The following CEP112 variants were observed in gnomAD, a reference collection of about 807,000 sequenced individuals.
The protein encoded by CEP112 is centrosomal protein 112.
CEP112 carries 127 observed loss-of-function variants against 153.0 expected under a neutral mutation model. The ratio of observed to expected loss-of-function variants is 0.83; its 90% confidence interval spans 0.72 to 0.96. CEP112 has a LOEUF of 0.96. CEP112 is among the 40% of genes least tolerant of loss of function. The pLI, the probability that CEP112 is intolerant of heterozygous loss-of-function variation, is 0.00. For missense variants in CEP112, 1,089 were observed against 1,101.2 expected (o/e 0.99, Z 0.16); for synonymous variants, 358 against 374.4 (o/e 0.96, Z 0.51).
intron 4 of CEP112, among the ~76,000 whole-genome samples, chr17:66,156,143 G>C (rs2071429929): frequency 6.6e-6 from 1 of 152,140 alleles, no homozygotes; most frequent in Non-Finnish European, 1.5e-5. Context: ...GCTCCGGCTG[G>C]CATCTGGCGG....
intron 23 of CEP112, among the ~76,000 whole-genome samples, chr17:65,695,207 CT>C (rs1361404134): frequency 2.7e-4 from 41 of 152,204 alleles, no homozygotes; most frequent in African/African-American, 9.9e-4. Flanking sequence ...GCACACCGCA[CT>C]CTTTAAAAGG....
At chr17:66,109,766 T>A (rs547747479) in intron 6 of CEP112, among the ~76,000 whole-genome samples, 1 of 152,182 alleles carries the variant, frequency 6.6e-6, no homozygotes, top group African/African-American at 2.4e-5. Flanking sequence ...GTAAAACTTA[T>A]AATGACCTTA....
At chr17:66,117,500 A>T (rs1435185900) in intron 6 of CEP112, among the ~76,000 whole-genome samples, 1 of 152,248 alleles carries the variant, frequency 6.6e-6, no homozygotes, top group Non-Finnish European at 1.5e-5. Context: ...TTAAATTTAA[A>T]TTCCCTCTAT....
intron 21 of CEP112, among the ~76,000 whole-genome samples, chr17:65,757,132 G>A (rs138915178): frequency 6.6e-6 from 1 of 152,260 alleles, no homozygotes; most frequent in Non-Finnish European, 1.5e-5. Context: ...GAGGCCTCAG[G>A]AAAGCAATCC....
intron 6 of CEP112, among the ~76,000 whole-genome samples, chr17:66,106,988 A>G (rs1003534837): frequency 4.6e-5 from 7 of 152,200 alleles, no homozygotes; most frequent in East Asian, 3.8e-4. Flanking sequence ...GGATGGTTCA[A>G]TATAGGCAAA....
At chr17:65,990,880 T>C (rs2063570494) in intron 17 of CEP112, among the ~76,000 whole-genome samples, 1 of 152,164 alleles carries the variant, frequency 6.6e-6, no homozygotes, top group African/African-American at 2.4e-5. Context: ...TCTGTGTGCT[T>C]GGGAGAGGAG....
chr17:66,042,648 AAAC>A (rs1225054833), intron 12 of CEP112, among the ~76,000 whole-genome samples: 2 of 152,212 alleles, frequency 1.3e-5, no homozygotes, highest in East Asian at 1.9e-4. Context: ...CCTGGAAAAG[AAAC>A]AACATTAGGT....
chr17:66,098,720 C>T (rs1598347185), intron 6 of CEP112, among the ~76,000 whole-genome samples: 2 of 152,150 alleles, frequency 1.3e-5, no homozygotes, highest in South Asian at 2.1e-4. Context: ...ATTTAAATGT[C>T]TCTCCCCATC....
intron 18 of CEP112, among the ~76,000 whole-genome samples, chr17:65,950,699 C>CTATTATTATTATTAGTAGTAG (rs57598697): frequency 0.039 from 5,709 of 147,160 alleles, 142 homozygotes; most frequent in South Asian, 0.085. Context: ...GGATACATTA[C>CTATTATTATTATTAGTAGTAG]TAGTAGTAGT....
chr17:66,148,114 G>A (rs1054129538), intron 4 of CEP112, among the ~76,000 whole-genome samples: 1 of 152,162 alleles, frequency 6.6e-6, no homozygotes, highest in Non-Finnish European at 1.5e-5. Flanking sequence ...GGCTGGGGAG[G>A]CCGCACAATC....
At chr17:65,845,886 A>G (rs1258118906) in intron 21 of CEP112, among the ~76,000 whole-genome samples, 1 of 152,174 alleles carries the variant, frequency 6.6e-6, no homozygotes, top group Non-Finnish European at 1.5e-5. Context: ...TGTTTCTCTT[A>G]ACTCAAAATC....
intron 1 of CEP112, among the ~76,000 whole-genome samples, chr17:66,183,581 G>A (rs932560821): frequency 2.2e-4 from 34 of 152,086 alleles, no homozygotes; most frequent in Non-Finnish European, 3.4e-4. Context: ...ATTTTAAGAT[G>A]TACTCCAAAG....
At chr17:66,062,225 C>A (rs2146009521) in intron 11 of CEP112, among the ~76,000 whole-genome samples, 1 of 150,542 alleles carries the variant, frequency 6.6e-6, no homozygotes. Context: ...ACATAGTGGA[C>A]AATGGACACT....
chr17:65,871,504 A>G (rs1568146835), intron 20 of CEP112, among the ~76,000 whole-genome samples: 1 of 152,100 alleles, frequency 6.6e-6, no homozygotes, highest in South Asian at 2.1e-4. Context: ...GCATGGTGGC[A>G]GGCGCCTATA....
intron 21 of CEP112, among the ~76,000 whole-genome samples, chr17:65,845,876 T>G (rs1424341874): frequency 6.6e-6 from 1 of 152,254 alleles, no homozygotes; most frequent in African/African-American, 2.4e-5. Flanking sequence ...AGGTATTTCA[T>G]GTTTCTCTTA....
chr17:65,854,084 T>C (rs1444698023), intron 20 of CEP112, among the ~76,000 whole-genome samples: 2 of 152,196 alleles, frequency 1.3e-5, no homozygotes, highest in Non-Finnish European at 2.9e-5. Flanking sequence ...TAGCCAGCAA[T>C]GCAACATTTC....
At chr17:66,169,045 C>T (rs753239653) in intron 4 of CEP112, among the ~76,000 whole-genome samples, 1 of 151,878 alleles carries the variant, frequency 6.6e-6, no homozygotes, top group Non-Finnish European at 1.5e-5. Flanking sequence ...TAAAACAAAC[C>T]CTGGGTGCAT....
chr17:66,130,336 G>C (rs893015895), intron 5 of CEP112, among the ~76,000 whole-genome samples: 2 of 152,078 alleles, frequency 1.3e-5, no homozygotes, highest in Admixed American at 1.3e-4. Flanking sequence ...TCGGGGGCAG[G>C]GGCGACGTGA....
intron 19 of CEP112, among the ~76,000 whole-genome samples, chr17:65,908,946 C>T (rs1407749471): frequency 6.6e-6 from 1 of 152,164 alleles, no homozygotes; most frequent in African/African-American, 2.4e-5. Context: ...ACTGGACATA[C>T]AAGTCCCTAG....
Sources: allele counts gnomAD v4.1 joint callset (sites outside exome capture counted in the v4.1 genomes callset), GRCh38; gene constraint gnomAD v4.1.1; transcripts MANE v1.5; gene names NCBI Gene and HGNC (gene_info 2026-07-23, HGNC 2026-07-21).